The following ABCC1 variants were observed in gnomAD, a reference collection of about 807,000 sequenced individuals.
ABCC1 encodes the protein ATP binding cassette subfamily C member 1 (ABCC1 blood group).
ABCC1 carries 83 observed loss-of-function variants against 172.9 expected under a neutral mutation model. The observed-to-expected ratio is 0.48, with a 90% CI of 0.40 to 0.58. ABCC1 has a LOEUF of 0.58. Ranked by LOEUF, ABCC1 falls within the 20% of genes least tolerant of loss-of-function variation. The pLI is 0.00. For missense variants in ABCC1, 1,817 were observed against 2,002.7 expected (o/e 0.91, Z 1.77); for synonymous variants, 937 against 825.2 (o/e 1.14, Z -2.32).
chr16:16,080,961 T>A (rs896450180), intron 16 of ABCC1, among the ~76,000 whole-genome samples: 2 of 152,048 alleles, frequency 1.3e-5, no homozygotes, highest in Non-Finnish European at 1.5e-5. Context: ...GCCTCCTGGG[T>A]TCAACCGATT....
chr16:16,095,557 T>C (rs2051438753), intron 19 of ABCC1, among the ~76,000 whole-genome samples: 2 of 152,112 alleles, frequency 1.3e-5, no homozygotes, highest in South Asian at 4.1e-4. Context: ...TGCCAGGACA[T>C]CCAAAGCACC....
At chr16:15,970,146 G>A (rs1181861461) in intron 1 of ABCC1, among the ~76,000 whole-genome samples, 1 of 152,166 alleles carries the variant, frequency 6.6e-6, no homozygotes, top group Non-Finnish European at 1.5e-5. Flanking sequence ...TAAGATACAA[G>A]CTCATTTCTC....
intron 14 of ABCC1, among the ~76,000 whole-genome samples, chr16:16,074,066 G>C (rs529317719): frequency 5.3e-5 from 8 of 152,302 alleles, no homozygotes; most frequent in African/African-American, 1.9e-4. Context: ...AGCATCTTCA[G>C]CTCAGCCCCC....
chr16:16,107,152 G>A (rs140299911), intron 21 of ABCC1, among the ~76,000 whole-genome samples: 2 of 152,246 alleles, frequency 1.3e-5, no homozygotes, highest in African/African-American at 4.8e-5. Flanking sequence ...GCAGCTCAGG[G>A]GGGTCTCATT....
chr16:16,006,847 T>TGGTGGCGGTGGCGGTGGCGGTGGC lies in ABCC1; in HGVS notation c.49-958_49-935dup, dbSNP rs71134499. On this transcript the variant is annotated intron_variant, in intron 1 of 30. Transcript: ENST00000399410. ...ACTGCAGTTTGGTTGTTATCCGTGG[T>TGGTGGCGGTGGCGGTGGCGGTGGC]GGTGGCGGTGGCGGTGGCGGTGGCG... Among the ~76,000 whole-genome samples, 268 of 89,692 alleles carry TGGTGGCGGTGGCGGTGGCGGTGGC rather than the reference T, an allele frequency of 3.0e-3. 9 individuals carry two copies. The East Asian group carries it at 0.079, about 26-fold the overall frequency. 58.8% of individuals were successfully genotyped at this position (89,692 alleles called of 152,430 possible).
chr16:16,036,563 T>G lies in ABCC1; in HGVS notation c.769T>G (p.Leu257Val). Residue 257 changes from leucine to valine, a missense_variant, in exon 7 of 31, where the codon TTG becomes GTG. Physicochemically the swap from Leu to Val is conservative, Grantham distance 32. Around this residue, in one of 3 missense-constraint regions of ABCC1, gnomAD observed 398 missense variants for 384.2 expected, o/e 1.04. Transcript: ENST00000399410. ...EDTSEQVVPV[L>V]VKNWKKECAK... Reference sequence around the variant, plus strand: ...CACGTCGGAACAAGTCGTGCCTGTTTTGGTAAAGAACTGGAAGAAGGAATG... The same window carrying G: ...CACGTCGGAACAAGTCGTGCCTGTTGTGGTAAAGAACTGGAAGAAGGAATG... 2 of 1,614,104 alleles carry G rather than the reference T, an allele frequency of 1.2e-6. No individual in the cohort carries two copies. The highest frequency in any genetic ancestry group is 1.7e-6 in the Non-Finnish European group (2 of 1,179,970).
chr16:16,114,670 A>C (rs2044769432), intron 22 of ABCC1, 96 bp from the exon 23 acceptor site: 2 of 1,150,516 alleles, frequency 1.7e-6, no homozygotes, highest in Non-Finnish European at 2.4e-6. Context: ...AGAAGTTGGG[A>C]GTCCAGGCCT....
rs865925560 is a variant in ABCC1 at position 16,076,359 on chromosome 16, C to T, written c.1946C>T (p.Ala649Val). 2 of 1,611,954 alleles carry T rather than the reference C, an allele frequency of 1.2e-6. No homozygotes were observed. The highest frequency in any genetic ancestry group is 1.7e-5 in the Admixed American group (1 of 59,656). Residue 649 changes from alanine (A) to valine (V), a missense_variant, in exon 15 of 31, where the codon GCC becomes GTC. Transcript: ENST00000399410. Reference sequence around the variant, plus strand: ...ACGAACAGCATCACCGTGAGGAATGCCACATTCACCTGGGCCAGGAGCGAC... The same window carrying T: ...ACGAACAGCATCACCGTGAGGAATGTCACATTCACCTGGGCCAGGAGCGAC... ...GGTNSITVRN[A>V]TFTWARSDPP...
chr16:16,100,144 C>T (rs1338325121), intron 19 of ABCC1, among the ~76,000 whole-genome samples: 1 of 152,142 alleles, frequency 6.6e-6, no homozygotes, highest in Non-Finnish European at 1.5e-5. Context: ...TCAGATTCCT[C>T]CTCTTAGGCG....
Position 16,122,064 on chromosome 16 carries a change from G to C in ABCC1, c.3480G>C (p.Leu1160=). 6.2e-7 allele frequency: 1 copy of C among 1,614,204 alleles called. No homozygotes were observed. The highest frequency in any genetic ancestry group is 8.5e-7 in the Non-Finnish European group (1 of 1,180,040). ...ATTCCCATTTCAACGAGACCTTGCTGGGGGTCAGCGTCATTCGAGCCTTCG... is the reference window on the plus strand; with the variant it reads ...ATTCCCATTTCAACGAGACCTTGCTCGGGGTCAGCGTCATTCGAGCCTTCG... The part of the protein sequence containing the change: ...PVYSHFNETL[L]GVSVIRAFEE... The change falls in exon 24 of 31, where the codon CTG becomes CTC. Residue 1160 remains leucine, a synonymous_variant. Transcript: ENST00000399410.
At chr16:16,107,579 G>T (rs143249903) in intron 21 of ABCC1, among the ~76,000 whole-genome samples, 1 of 152,102 alleles carries the variant, frequency 6.6e-6, no homozygotes, top group Non-Finnish European at 1.5e-5. Flanking sequence ...GGTGAGCACC[G>T]CGTCCTGCCT....
intron 1 of ABCC1, among the ~76,000 whole-genome samples, chr16:16,001,664 T>C: frequency 6.6e-6 from 1 of 152,200 alleles, no homozygotes; most frequent in East Asian, 1.9e-4. Context: ...GGAAAGACCC[T>C]CAGTTTTACT....
intron 1 of ABCC1, among the ~76,000 whole-genome samples, chr16:15,974,634 T>C (rs945278931): frequency 1.3e-5 from 2 of 152,184 alleles, no homozygotes; most frequent in Non-Finnish European, 2.9e-5. Context: ...TATGACATAC[T>C]TCCCAGTTTC....
At chr16:16,136,342 A>T in intron 28 of ABCC1, 136 bp from the exon 29 acceptor site, 1 of 984,532 alleles carries the variant, frequency 1.0e-6, no homozygotes, top group Non-Finnish European at 1.5e-6. Flanking sequence ...CATTATTAAC[A>T]TCTCCAGAAA....
At chr16:16,123,382 C>A (rs1449938834) in intron 24 of ABCC1, among the ~76,000 whole-genome samples, 1 of 152,112 alleles carries the variant, frequency 6.6e-6, no homozygotes, top group Non-Finnish European at 1.5e-5. Context: ...CATCTGTAAT[C>A]CCAGCACTTT....
At chr16:16,066,095 A>G (rs2050104520) in intron 12 of ABCC1, among the ~76,000 whole-genome samples, 1 of 152,172 alleles carries the variant, frequency 6.6e-6, no homozygotes, top group African/African-American at 2.4e-5. Flanking sequence ...CATTCCAGGC[A>G]ACCAGTAATC....
intron 12 of ABCC1, 118 bp from the exon 13 acceptor site, chr16:16,068,038 C>G: frequency 8.5e-7 from 1 of 1,172,212 alleles, no homozygotes; most frequent in Non-Finnish European, 1.2e-6. Flanking sequence ...GCTCCAGCAG[C>G]TGGTCAGTTG....
intron 1 of ABCC1, among the ~76,000 whole-genome samples, chr16:15,951,086 A>G (rs1441601733): frequency 1.3e-5 from 2 of 152,186 alleles, no homozygotes; most frequent in South Asian, 2.1e-4. Flanking sequence ...GCCTCTTTGC[A>G]GATGGACTTT....
chr16:16,065,579 C>T (rs2050081237), intron 12 of ABCC1, among the ~76,000 whole-genome samples: 1 of 152,132 alleles, frequency 6.6e-6, no homozygotes, highest in South Asian at 2.1e-4. Flanking sequence ...ACTACAGGCA[C>T]ATGCCACCAC....
Sources: allele counts gnomAD v4.1 joint callset (sites outside exome capture counted in the v4.1 genomes callset), GRCh38; gene constraint gnomAD v4.1.1; regional missense constraint gnomAD v4.1.1; transcripts MANE v1.5; gene names NCBI Gene and HGNC (gene_info 2026-07-23, HGNC 2026-07-21).